Variants in SEZ6L observed in about 807,000 individuals in gnomAD.
SEZ6L encodes the protein seizure related 6 homolog like.
SEZ6L carries 37 observed loss-of-function variants against 106.2 expected under a neutral mutation model. The observed-to-expected ratio is 0.35, with a 90% CI of 0.27 to 0.46. The LOEUF (loss-of-function observed/expected upper bound fraction) is 0.46, where lower values mean the gene tolerates loss of function less well. Among genes scored for constraint, SEZ6L ranks in the 20% least tolerant of loss-of-function variants. The probability of loss-of-function intolerance (pLI) is 1.00; values close to 1 mark genes in which losing one functional copy is unlikely to be tolerated. For missense variants in SEZ6L, 1,172 were observed against 1,332.8 expected, an observed-to-expected ratio of 0.88 and a Z score of 1.88; for synonymous variants, 541 against 570.4, an observed-to-expected ratio of 0.95 and a Z score of 0.73.
chr22:26,310,980 G>T, intron 7 of SEZ6L, 144 bp downstream of exon 7: 1 of 775,876 alleles, frequency 1.3e-6, no homozygotes, highest in East Asian at 2.6e-5. Flanking sequence ...CCAAAGACAG[G>T]CTCTTGGTTT....
At chr22:26,284,477 G>A (rs1202907274) in intron 1 of SEZ6L, among the ~76,000 whole-genome samples, 1 of 151,926 alleles carries the variant, frequency 6.6e-6, no homozygotes, top group Non-Finnish European at 1.5e-5. Context: ...GGGCATGTTG[G>A]CTCATGCCTG....
chr22:26,369,099 T>C (rs1258485304), intron 13 of SEZ6L, among the ~76,000 whole-genome samples: 3 of 151,984 alleles, frequency 2.0e-5, no homozygotes, highest in African/African-American at 4.8e-5. Flanking sequence ...CAAATGCACT[T>C]TGAATGTGAG....
chr22:26,340,751 A>T, intron 10 of SEZ6L, 119 bp downstream of exon 10: 1 of 821,654 alleles, frequency 1.2e-6, no homozygotes, highest in Non-Finnish European at 1.8e-6. Flanking sequence ...ATTGTATTGA[A>T]ATGTACTCAT....
intron 12 of SEZ6L, among the ~76,000 whole-genome samples, chr22:26,359,506 T>C (rs182276001): frequency 5.8e-4 from 89 of 152,288 alleles, no homozygotes; most frequent in Non-Finnish European, 1.0e-3. Context: ...GGATACAAAA[T>C]GGAGATGATG....
chr22:26,310,551 AGTTAGGTTTGGGATCC>A, intron 6 of SEZ6L, 103 bp from the exon 7 acceptor site: 1 of 1,073,400 alleles, frequency 9.3e-7, no homozygotes, highest in Non-Finnish European at 1.3e-6. Context: ...AAAGAGGCAG[AGTTAGGTTTGGGATCC>A]GGTAATGAGG....
At chr22:26,235,549 G>T (rs558468637) in intron 1 of SEZ6L, among the ~76,000 whole-genome samples, 1 of 152,042 alleles carries the variant, frequency 6.6e-6, no homozygotes, top group Admixed American at 6.6e-5. Context: ...GAGCATGTAG[G>T]GTGAGGGCAT....
intron 1 of SEZ6L, among the ~76,000 whole-genome samples, chr22:26,287,629 A>G (rs113397740): frequency 3.3e-5 from 5 of 152,090 alleles, no homozygotes; most frequent in Non-Finnish European, 7.4e-5. Context: ...GGACATCATC[A>G]TGGGGATATT....
intron 5 of SEZ6L, among the ~76,000 whole-genome samples, chr22:26,300,636 G>A (rs1387383441): frequency 6.6e-6 from 1 of 152,190 alleles, no homozygotes; most frequent in Non-Finnish European, 1.5e-5. Context: ...TGTCTTTATA[G>A]CAGCATGATT....
At chr22:26,312,241 T>C (rs73421666) in intron 8 of SEZ6L, among the ~76,000 whole-genome samples, 2,450 of 152,374 alleles carry the variant, frequency 0.016, 61 homozygotes, top group African/African-American at 0.056. Context: ...AGCTCCTAAA[T>C]ACTCCCTCTG....
At chr22:26,208,155 T>C (rs565759235) in intron 1 of SEZ6L, among the ~76,000 whole-genome samples, 1 of 152,086 alleles carries the variant, frequency 6.6e-6, no homozygotes, top group South Asian at 2.1e-4. Flanking sequence ...GACCTCGTGA[T>C]CCGCCCGTCT....
intron 12 of SEZ6L, 111 bp downstream of exon 12, chr22:26,351,354 C>A: frequency 1.2e-6 from 1 of 854,550 alleles, no homozygotes; most frequent in East Asian, 2.5e-5. Flanking sequence ...TCGACAGGGG[C>A]TTTTATTATC....
intron 1 of SEZ6L, among the ~76,000 whole-genome samples, chr22:26,205,779 A>G (rs1030373202): frequency 6.6e-6 from 1 of 152,162 alleles, no homozygotes; most frequent in Non-Finnish European, 1.5e-5. Context: ...TCAAGAATCA[A>G]TTTAGCAGAA....
In SEZ6L at chr22:26,204,501, G is replaced by A. The variant is rs58636452; in HGVS notation, c.94+34738G>A. On this transcript the variant is annotated intron_variant, in intron 1 of 16. Coordinates refer to ENST00000248933, the MANE Select transcript of SEZ6L (RefSeq NM_021115.5). ...TTTACAGATAAGGAAGCTGAGGCTA[G>A]AAGAGGTTAAGGAGTTTTCCCAACA... Among the ~76,000 whole-genome samples the A allele has an allele frequency of 9.0e-3, 1,364 of 152,362 alleles. 29 individuals carry two copies. The highest frequency in any genetic ancestry group is 0.03 in the African/African-American group (1,262 of 41,592).
intron 1 of SEZ6L, among the ~76,000 whole-genome samples, chr22:26,233,012 G>A (rs529645336): frequency 3.9e-4 from 60 of 152,306 alleles, no homozygotes; most frequent in African/African-American, 1.1e-3. Context: ...TGTACTCAGC[G>A]GCGCTCCGCC....
chr22:26,292,037 AT>A (rs2081133646), intron 1 of SEZ6L, among the ~76,000 whole-genome samples: 13 of 42,158 alleles, frequency 3.1e-4, no homozygotes, highest in Non-Finnish European at 6.4e-4. Context: ...GGAAGGAAGG[AT>A]GGATGGAAGG....
intron 1 of SEZ6L, among the ~76,000 whole-genome samples, chr22:26,245,721 C>T (rs1366541070): frequency 6.6e-6 from 1 of 152,160 alleles, no homozygotes; most frequent in Non-Finnish European, 1.5e-5. Context: ...TGATGTGTGA[C>T]CTTGAGAAAG....
chr22:26,214,605 G>A (rs1282101145), intron 1 of SEZ6L, among the ~76,000 whole-genome samples: 1 of 152,210 alleles, frequency 6.6e-6, no homozygotes, highest in Non-Finnish European at 1.5e-5. Flanking sequence ...GGAATTTCAG[G>A]AAGGAAGCAG....
At chr22:26,356,893 C>T (rs1437720670) in intron 12 of SEZ6L, among the ~76,000 whole-genome samples, 1 of 151,740 alleles carries the variant, frequency 6.6e-6, no homozygotes. Context: ...AATGTTGAAA[C>T]GGTGAACTAT....
intron 11 of SEZ6L, among the ~76,000 whole-genome samples, chr22:26,349,690 A>G (rs563072997): frequency 2.6e-5 from 4 of 152,262 alleles, no homozygotes; most frequent in East Asian, 3.9e-4. Context: ...TTTTGTAGAG[A>G]CAGGGGTCTT....
Sources: gnomAD v4.1 joint callset for allele counts (sites outside exome capture counted in the v4.1 genomes callset) on GRCh38, gnomAD v4.1.1 for gene constraint, MANE v1.5 for transcripts, NCBI Gene and HGNC (gene_info 2026-07-23, HGNC 2026-07-21) for gene names.